Variants in TRMT1L observed in about 807,000 individuals in gnomAD.
The protein encoded by TRMT1L is tRNA (guanine(27)-N(2))-dimethyltransferase.
Under a neutral mutation model 81.6 loss-of-function variants are expected in TRMT1L, and 28 were observed. The observed-to-expected ratio is 0.34, with a 90% CI of 0.25 to 0.47. The LOEUF (loss-of-function observed/expected upper bound fraction) is 0.47. Among genes scored for constraint, TRMT1L ranks in the 20% least tolerant of loss-of-function variants. The pLI, the probability that TRMT1L is intolerant of heterozygous loss-of-function variation, is 1.00. For synonymous variants in TRMT1L, 301 were observed against 303.2 expected (o/e 0.99, Z 0.07); for missense variants, 739 against 877.1 (o/e 0.84, Z 1.99).
chr1:185,148,578 TGA>T (rs1264179973), intron 3 of TRMT1L, among the ~76,000 whole-genome samples: 1 of 152,088 alleles, frequency 6.6e-6, no homozygotes, highest in East Asian at 1.9e-4. Context: ...CTAATGTACA[TGA>T]GAGAACCACA....
At chr1:185,154,906 G>C (rs762502776) in intron 1 of TRMT1L, among the ~76,000 whole-genome samples, 32 of 151,622 alleles carry the variant, frequency 2.1e-4, no homozygotes, top group Non-Finnish European at 4.1e-4. Flanking sequence ...CAAGATGCTA[G>C]GAGGGTCTTT....
intron 11 of TRMT1L, among the ~76,000 whole-genome samples, chr1:185,127,058 G>A (rs933721826): frequency 2.6e-5 from 4 of 152,184 alleles, no homozygotes; most frequent in African/African-American, 9.7e-5. Context: ...TTCTAGCCTT[G>A]GCTGTGGTAT....
upstream of TRMT1L, chr1:185,157,031 T>C (rs1165093698): frequency 2.1e-5 from 7 of 339,302 alleles, no homozygotes; most frequent in Admixed American, 4.6e-5. Flanking sequence ...CTACGGTGCG[T>C]CTCCGGCCCA....
intron 10 of TRMT1L, among the ~76,000 whole-genome samples, chr1:185,131,009 A>ATTTTT (rs941368493): frequency 1.3e-5 from 2 of 148,750 alleles, no homozygotes; most frequent in African/African-American, 4.9e-5. Context: ...TTTTATTTTT[A>ATTTTT]TTTTTTTTTT....
chr1:185,124,179 A>T (rs529081559), intron 12 of TRMT1L, among the ~76,000 whole-genome samples: 1 of 152,192 alleles, frequency 6.6e-6, no homozygotes, highest in Non-Finnish European at 1.5e-5. Flanking sequence ...TGTTTGTACT[A>T]AACAGAAAAA....
At chr1:185,128,028 C>T (rs1291811308) in intron 11 of TRMT1L, among the ~76,000 whole-genome samples, 4 of 151,308 alleles carry the variant, frequency 2.6e-5, no homozygotes, top group Non-Finnish European at 5.9e-5. Flanking sequence ...GCAGGAGAAT[C>T]GCTTGAACCT....
chr1:185,155,516 T>C (rs539898955), intron 1 of TRMT1L, among the ~76,000 whole-genome samples: 2 of 152,240 alleles, frequency 1.3e-5, no homozygotes, highest in African/African-American at 2.4e-5. Context: ...AACTGCAAAA[T>C]AATCCTATCT....
intron 3 of TRMT1L, among the ~76,000 whole-genome samples, chr1:185,149,482 T>C (rs989834607): frequency 6.6e-6 from 1 of 151,976 alleles, no homozygotes. Context: ...TTTTCACTTT[T>C]TTATAGAGAC....
At chr1:185,143,816 A>AT in intron 6 of TRMT1L, 90 bp downstream of exon 6, 1 of 1,160,644 alleles carries the variant, frequency 8.6e-7, no homozygotes, top group Non-Finnish European at 1.2e-6. Context: ...CCTAGTTCTA[A>AT]ATTTTAATAT....
chr1:185,156,700 C>T lies in TRMT1L; in HGVS notation c.13G>A (p.Ala5Thr). 1 of 1,612,826 alleles carries T rather than the reference C, an allele frequency of 6.2e-7. No homozygotes were observed. Among genetic ancestry groups the T allele is most frequent in the Non-Finnish European group, 8.5e-7 (1 of 1,179,870 alleles). MENM[A>T]EEELLPLEKE... ...TCCAGGGGCAGCAGCTCCTCCTCCG[C>T]CATATTCTCCATAGTTACCGCCTCC... The change falls in exon 1 of 15, where the codon GCG (alanine) becomes ACG (threonine). Residue 5 changes from alanine to threonine, a missense_variant. Ala to Thr is a moderately conservative substitution (Grantham distance 58, BLOSUM62 0). Around this residue, in one of 4 missense-constraint regions of TRMT1L, gnomAD observed 209 missense variants for 165.4 expected, o/e 1.26. Coordinates refer to ENST00000367506, the MANE Select transcript of TRMT1L (RefSeq NM_030934.5).
At chr1:185,129,258 C>A (rs1382424308) in intron 10 of TRMT1L, among the ~76,000 whole-genome samples, 1 of 152,226 alleles carries the variant, frequency 6.6e-6, no homozygotes, top group South Asian at 2.1e-4. Flanking sequence ...AATGTATACA[C>A]CCATGTAACC....
Position 185,147,019 on chromosome 1 carries a change from T to A in TRMT1L, c.525+163A>T, listed in dbSNP as rs116142639. 6.4e-3 allele frequency among the ~76,000 whole-genome samples: 964 copies of A among 149,458 alleles called. 12 individuals are homozygous for A. The highest frequency in any genetic ancestry group is 0.022 in the African/African-American group (897 of 40,232). ...TCAATATAACAATTATTTTTTTTCA[T>A]ACATTTCATAGTTTTCCCATTATGA... On this transcript the variant is annotated intron_variant, in intron 4 of 14. Coordinates refer to ENST00000367506, the MANE Select transcript of TRMT1L (RefSeq NM_030934.5).
chr1:185,153,419 G>C (rs1660654692), intron 1 of TRMT1L, among the ~76,000 whole-genome samples: 1 of 152,106 alleles, frequency 6.6e-6, no homozygotes, highest in African/African-American at 2.4e-5. Context: ...TAAATGGTAA[G>C]GGGAATCAAG....
At chr1:185,129,604 G>T (rs1209395894) in intron 10 of TRMT1L, among the ~76,000 whole-genome samples, 1 of 152,150 alleles carries the variant, frequency 6.6e-6, no homozygotes, top group Non-Finnish European at 1.5e-5. Flanking sequence ...GAAATGGCCT[G>T]ACCTAATCAA....
intron 10 of TRMT1L, 133 bp from the exon 11 acceptor site, chr1:185,128,880 T>G (rs1039638259): frequency 2.7e-6 from 2 of 740,558 alleles, no homozygotes; most frequent in African/African-American, 3.6e-5. Context: ...ATGCTAAGTA[T>G]TTTATGTATG....
At chr1:185,141,818 G>A (rs1047686338) in intron 7 of TRMT1L, among the ~76,000 whole-genome samples, 2 of 152,126 alleles carry the variant, frequency 1.3e-5, no homozygotes, top group Admixed American at 1.3e-4. Flanking sequence ...CTGGACTCCC[G>A]GCAATAAAGA....
chr1:185,151,138 A>G (rs968995826), intron 2 of TRMT1L, among the ~76,000 whole-genome samples: 4 of 152,230 alleles, frequency 2.6e-5, no homozygotes, highest in Admixed American at 1.3e-4. Flanking sequence ...TATCTCAAAT[A>G]AAAACTTTGA....
At position 185,120,604 on chromosome 1, in the gene TRMT1L, C is replaced by G. The variant is rs143839327; in HGVS notation, c.1823-95G>C. The G allele has an allele frequency of 2.7e-5, 30 of 1,128,532 alleles. No homozygotes were observed. The African/African-American group carries it at 4.4e-4, about 16-fold the overall frequency. 69.9% of individuals were successfully genotyped at this position (1,128,532 alleles called of 1,614,324 possible). On this transcript the variant is annotated intron_variant, in intron 13 of 14. Coordinates refer to ENST00000367506, the MANE Select transcript of TRMT1L (RefSeq NM_030934.5). ...TTTATCTCAAGTATAAATCCTGACACATTATTTCAACCTGACTATCCAATC... is the reference window on the plus strand; with the variant it reads ...TTTATCTCAAGTATAAATCCTGACAGATTATTTCAACCTGACTATCCAATC...
chr1:185,138,165 T>C (rs1308332998), intron 9 of TRMT1L, among the ~76,000 whole-genome samples: 1 of 152,188 alleles, frequency 6.6e-6, no homozygotes, highest in African/African-American at 2.4e-5. Flanking sequence ...TATCTATTTA[T>C]TGAGTAATGA....
Sources: allele counts gnomAD v4.1 joint callset (sites outside exome capture counted in the v4.1 genomes callset), GRCh38; gene constraint gnomAD v4.1.1; regional missense constraint gnomAD v4.1.1; transcripts MANE v1.5; gene names NCBI Gene and HGNC (gene_info 2026-07-23, HGNC 2026-07-21).